Variants in XRCC3 observed in about 807,000 individuals in gnomAD.
XRCC3 encodes DNA repair protein XRCC3.
Under a neutral mutation model 29.2 loss-of-function variants are expected in XRCC3, and 34 were observed. The ratio of observed to expected loss-of-function variants is 1.16; its 90% CI spans 0.88 to 1.55. The LOEUF is 1.55. Among genes scored for constraint, XRCC3 ranks in the 40% most tolerant of loss-of-function variants. XRCC3 has a pLI of 0.00. For synonymous variants in XRCC3, 223 were observed against 211.3 expected, an observed-to-expected ratio of 1.06 and a Z score of -0.48; for missense variants, 463 against 467.6, an observed-to-expected ratio of 0.99 and a Z score of 0.09.
chr14:103,706,702 C>T (rs542854942), intron 6 of XRCC3: 131 of 460,386 alleles, frequency 2.8e-4, no homozygotes, highest in East Asian at 6.4e-4. Flanking sequence ...GGCAGCTGTG[C>T]GGAACGTGGG....
chr14:103,708,471 T>C, intron 5 of XRCC3, 51 bp downstream of exon 5: 1 of 1,610,498 alleles, frequency 6.2e-7, no homozygotes, highest in Non-Finnish European at 8.5e-7. Flanking sequence ...ACTGGGACCA[T>C]GATGCTGGAG....
Position 103,698,357 on chromosome 14 carries a change from G to C in XRCC3, c.*441C>G. ...GGGAGTAAGGACTGCCCTGTGTGCA[G>C]GAGGGGAGACCCTCGTGGGCACGGT... On this transcript the variant is annotated 3_prime_UTR_variant, in exon 10 of 10. Transcript: ENST00000555055. 1 of 240,432 alleles carries C rather than the reference G, an allele frequency of 4.2e-6. No individual in the cohort carries two copies. Among genetic ancestry groups the C allele is most frequent in the East Asian group, 1.1e-4 (1 of 9,110 alleles). The allele number at this position is 240,432 out of a possible 1,614,324, so 14.9% of individuals were successfully genotyped here. A position where few individuals can be genotyped will look rare whatever the true frequency, so the allele number is the denominator to read the frequency against.
At chr14:103,708,777 G>A in intron 4 of XRCC3, 118 bp from the exon 5 acceptor site, 1 of 1,372,666 alleles carries the variant, frequency 7.3e-7, no homozygotes, top group Non-Finnish European at 1.0e-6. Flanking sequence ...CGATTCTGGG[G>A]ACAAGGTGGG....
rs1043719343 is a variant in XRCC3, at chr14:103,708,638, T to C, written c.77A>G (p.Glu26Gly). 1.9e-6 allele frequency: 3 copies of C among 1,614,130 alleles called. No homozygotes were observed. The highest frequency in any genetic ancestry group is 4.5e-5 in the East Asian group (2 of 44,886). Residue 26 changes from glutamate to glycine, a missense_variant, in exon 5 of 10, where the codon GAG (glutamate) becomes GGG (glycine). By Grantham distance (98) the Glu-to-Gly change is moderately conservative (BLOSUM62 -2). Transcript: ENST00000555055. Reference protein sequence around the residue: ...IKKAKLKSVKEVLHFSGPDLK... With the variant: ...IKKAKLKSVKGVLHFSGPDLK... Reference sequence around the variant, plus strand: ...GTCTGGTCCAGAAAAGTGTAAAACCTCCTTTACCGATTTCAGTTTGGCTGA... The same window carrying C: ...GTCTGGTCCAGAAAAGTGTAAAACCCCCTTTACCGATTTCAGTTTGGCTGA...
chr14:103,708,966 G>A (rs186208130), intron 4 of XRCC3: 71 of 393,374 alleles, frequency 1.8e-4, no homozygotes, highest in Non-Finnish European at 3.0e-4. Context: ...CTGAGAGCAG[G>A]TTCCGGTACT....
Position 103,699,535 on chromosome 14 carries a change from C to T in XRCC3, c.603G>A (p.Leu201=), listed in dbSNP as rs1011151244. Residue 201 remains leucine (L), a synonymous_variant, in exon 8 of 10, where the codon CTG becomes CTA. Coordinates refer to ENST00000555055, the MANE Select transcript of XRCC3 (RefSeq NM_005432.4). ...LECVNKKVPV[L]LSRGMARLVV... is the part of the protein sequence containing the mutation. Reference sequence around the variant, plus strand: ...CCAGGCGAGCCATGCCCCGAGACAGCAGTACGGGGACCTTCTTATTCACAC... The same window carrying T: ...CCAGGCGAGCCATGCCCCGAGACAGTAGTACGGGGACCTTCTTATTCACAC... The T allele has an allele frequency of 1.2e-6, 2 of 1,613,558 alleles. No homozygotes were observed. The highest frequency in any genetic ancestry group is 8.5e-7 in the Non-Finnish European group (1 of 1,179,988).
intron 7 of XRCC3, chr14:103,700,593 C>G: frequency 7.2e-7 from 1 of 1,390,726 alleles, no homozygotes; most frequent in Non-Finnish European, 1.0e-6. Flanking sequence ...GCCCGGAGCT[C>G]TGAAGACGCC....
At chr14:103,706,893 G>T in intron 6 of XRCC3, 110 bp downstream of exon 6, 1 of 1,220,034 alleles carries the variant, frequency 8.2e-7, no homozygotes, top group Non-Finnish European at 1.2e-6. Flanking sequence ...GAGACGCAAT[G>T]GTAGGAACAG....
Position 103,699,540 on chromosome 14 carries a change from C to T in XRCC3, c.598G>A (p.Val200Ile), listed in dbSNP as rs531332562. The change falls in exon 8 of 10, where the codon GTA (valine) becomes ATA (isoleucine). Residue 200 changes from valine to isoleucine, a missense_variant. Physicochemically the swap from Val to Ile is conservative, Grantham distance 29. Transcript: ENST00000555055. The stretch of plus-strand genomic sequence containing the variant: ...CGAGCCATGCCCCGAGACAGCAGTA[C>T]GGGGACCTTCTTATTCACACACTCC... ...LLECVNKKVP[V>I]LLSRGMARLV... 3.5e-5 allele frequency: 57 copies of T among 1,613,546 alleles called. No individual in the cohort carries two copies. Among genetic ancestry groups the T allele is most frequent in the African/African-American group, 2.0e-4 (15 of 74,982 alleles).
rs2082785829 is a variant in XRCC3, at chr14:103,698,675, C to T, written c.*123G>A. ...CGGATGAGAAAGTGGAGCCGCTGCC[C>T]TGGAAGAGCTGTGTCTGAACCAGGC... On this transcript the variant is annotated 3_prime_UTR_variant, in exon 10 of 10. Transcript: ENST00000555055. 40 of 882,388 alleles carry T rather than the reference C, an allele frequency of 4.5e-5. No individual in the cohort carries two copies. Among genetic ancestry groups the T allele is most frequent in the South Asian group, 2.4e-4 (16 of 67,730 alleles). The allele number at this position is 882,388 out of a possible 1,614,324, so 54.7% of individuals were successfully genotyped here. A position where few individuals can be genotyped will look rare whatever the true frequency, so the allele number is the denominator to read the frequency against.
chr14:103,701,301 G>C (rs534376993), intron 7 of XRCC3: 1 of 1,273,218 alleles, frequency 7.9e-7, no homozygotes, highest in Non-Finnish European at 1.1e-6. Context: ...GCCGGGAGCC[G>C]CAGCGCTCAC....
At chr14:103,702,690 C>T (rs925912008) in intron 7 of XRCC3, 3 of 190,734 alleles carry the variant, frequency 1.6e-5, no homozygotes, top group East Asian at 1.2e-4. Context: ...CGCAGCCTGC[C>T]GCCCTGCCTG....
In XRCC3 at chr14:103,698,918, G is replaced by GGC; in HGVS notation, c.919_920dup (p.Leu308ProfsTer62). ...GCAGGGTCCGGGCTGGGCAGCCGAGGGCAGCCTCTTCCTCGCGGAGCCGGT... is the reference window on the plus strand; with the variant it reads ...GCAGGGTCCGGGCTGGGCAGCCGAGGGCGCAGCCTCTTCCTCGCGGAGCCGGT... On this transcript the variant is annotated frameshift_variant, in exon 10 of 10. Coordinates refer to ENST00000555055, the MANE Select transcript of XRCC3 (RefSeq NM_005432.4). LOFTEE classifies it low-confidence loss of function (END_TRUNC). 6.2e-7 allele frequency: 1 copy of GGC among 1,601,236 alleles called. No homozygotes were observed. The highest frequency in any genetic ancestry group is 8.5e-7 in the Non-Finnish European group (1 of 1,174,392).
At chr14:103,699,097 T>C in intron 9 of XRCC3, 36 bp downstream of exon 9, 1 of 1,566,378 alleles carries the variant, frequency 6.4e-7, no homozygotes, top group Non-Finnish European at 8.7e-7. Context: ...CCCTGGCACC[T>C]GCACAGAGGT....
At chr14:103,708,745 C>T (rs1298610419) in intron 4 of XRCC3, 86 bp from the exon 5 acceptor site, 1 of 1,566,064 alleles carries the variant, frequency 6.4e-7, no homozygotes, top group African/African-American at 1.4e-5. Flanking sequence ...TTGTTAAGAG[C>T]ACTGTGAGAG....
Position 103,703,199 on chromosome 14 carries a change from T to C in XRCC3, c.535A>G (p.Ile179Val), listed in dbSNP as rs1171119943. 4 of 1,572,688 alleles carry C rather than the reference T, an allele frequency of 2.5e-6. No individual in the cohort carries two copies. Among genetic ancestry groups the C allele is most frequent in the Non-Finnish European group, 3.5e-6 (4 of 1,158,608 alleles). Residue 179 changes from isoleucine to valine, a missense_variant, in exon 7 of 10, where the codon ATC (isoleucine) becomes GTC (valine). Ile to Val is a conservative substitution (Grantham distance 29, BLOSUM62 3). Coordinates refer to ENST00000555055, the MANE Select transcript of XRCC3 (RefSeq NM_005432.4). ...ACATCGGCCACGTGCTCGATGAAGA[T>C]CTGGCTGCCAAATCGGAGCTTCTGA... Reference protein sequence around the residue: ...LLQKLRFGSQIFIEHVADVDT... With the variant: ...LLQKLRFGSQVFIEHVADVDT...
chr14:103,704,932 C>G (rs947390660), intron 6 of XRCC3: 1 of 152,210 alleles, frequency 6.6e-6, no homozygotes, highest in Admixed American at 6.5e-5. Context: ...CGTCCTGTTC[C>G]TGCAGTGGCA....
chr14:103,711,298 G>C (rs2083617235), intron 3 of XRCC3, 53 bp from the exon 4 acceptor site: 6 of 682,518 alleles, frequency 8.8e-6, no homozygotes, highest in Non-Finnish European at 1.3e-5. Flanking sequence ...GCTACATCTA[G>C]GGCAACATGT....
chr14:103,710,880 A>C, intron 4 of XRCC3, 153 bp downstream of exon 4: 2 of 702,410 alleles, frequency 2.8e-6, no homozygotes, highest in African/African-American at 1.8e-5. Flanking sequence ...ACACACACAC[A>C]CACCTGAAAA....
Sources: allele counts gnomAD v4.1 joint callset, GRCh38; gene constraint gnomAD v4.1.1; transcripts MANE v1.5; gene names NCBI Gene and HGNC (gene_info 2026-07-23, HGNC 2026-07-21).